Variants in ROS1 observed in about 807,000 individuals in gnomAD.
ROS1 encodes the protein ROS proto-oncogene 1, receptor tyrosine kinase, also known as proto-oncogene tyrosine-protein kinase ROS.
Under a neutral mutation model 273.5 loss-of-function variants are expected in ROS1, and 263 were observed. The ratio of observed to expected loss-of-function variants is 0.96; its 90% CI spans 0.87 to 1.06. The LOEUF (loss-of-function observed/expected upper bound fraction) is 1.06, where lower values mean the gene tolerates loss of function less well. ROS1 is among the 50% of genes least tolerant of loss of function. ROS1 has a pLI of 0.00. For synonymous variants in ROS1, 1,008 were observed against 954.1 expected (o/e 1.06, Z -1.04); for missense variants, 2,833 against 2,751.1 (o/e 1.03, Z -0.67).
At chr6:117,316,181 A>G (rs889960785) in intron 39 of ROS1, among the ~76,000 whole-genome samples, 6 of 152,070 alleles carry the variant, frequency 3.9e-5, no homozygotes, top group African/African-American at 1.4e-4. Flanking sequence ...GAAGTCTAAG[A>G]GAGTTAAATC....
intron 43 of ROS1, among the ~76,000 whole-genome samples, chr6:117,289,150 T>C (rs1773643756): frequency 6.6e-6 from 1 of 152,260 alleles, no homozygotes; most frequent in African/African-American, 2.4e-5. Context: ...GTCTTTGTGA[T>C]AGGACTTAAT....
rs750354810 is a variant in ROS1, at chr6:117,321,308, G to C, written c.5710C>G (p.Arg1904Gly). 1.2e-6 allele frequency: 2 copies of C among 1,613,712 alleles called. No individual in the cohort carries two copies. Among genetic ancestry groups the C allele is most frequent in the East Asian group, 2.2e-5 (1 of 44,854 alleles). The change falls in exon 36 of 44, where the codon CGA (arginine) becomes GGA (glycine). Residue 1904 changes from arginine (R) to glycine (G), a missense_variant. Arg to Gly is a moderately radical substitution (Grantham distance 125). Coordinates refer to ENST00000368507, the MANE Select transcript of ROS1 (RefSeq NM_001378902.1). Reference sequence around the variant, plus strand: ...AGGCCTACTCCGGCTGCCAGACCTCGCAGCTCAGCCAACTCTTTGTCTTCG... The same window carrying C: ...AGGCCTACTCCGGCTGCCAGACCTCCCAGCTCAGCCAACTCTTTGTCTTCG... Reference protein sequence around the residue: ...INEDKELAELRGLAAGVGLAN... With the variant: ...INEDKELAELGGLAAGVGLAN...
chr6:117,400,709 C>A (rs984686392), intron 7 of ROS1, among the ~76,000 whole-genome samples: 1 of 152,176 alleles, frequency 6.6e-6, no homozygotes, highest in Non-Finnish European at 1.5e-5. Context: ...ATGTCCTTTG[C>A]TGTCCCTCTT....
intron 35 of ROS1, 120 bp downstream of exon 35, chr6:117,324,211 AT>A (rs1776476866): frequency 3.2e-6 from 2 of 628,556 alleles, no homozygotes; most frequent in East Asian, 5.9e-5. Context: ...AACAATGTAA[AT>A]TTTATTAACT....
chr6:117,352,868 T>C (rs1778985892), intron 27 of ROS1, 122 bp downstream of exon 27: 3 of 819,388 alleles, frequency 3.7e-6, no homozygotes, highest in Admixed American at 2.7e-5. Context: ...CTAGCAGAGT[T>C]TGGAGCAAGG....
chr6:117,354,668 T>A (rs1280290928), intron 26 of ROS1, among the ~76,000 whole-genome samples: 1 of 152,216 alleles, frequency 6.6e-6, no homozygotes, highest in Non-Finnish European at 1.5e-5. Flanking sequence ...ATCTTTCTAA[T>A]TTTCTAATTT....
intron 39 of ROS1, among the ~76,000 whole-genome samples, chr6:117,313,927 C>A (rs112494207): frequency 0.012 from 1,797 of 152,158 alleles, 10 homozygotes; most frequent in South Asian, 0.03. Flanking sequence ...GCGAAGGAGA[C>A]GAAGCCCTGG....
chr6:117,306,153 T>C (rs539639762), intron 42 of ROS1, among the ~76,000 whole-genome samples: 2 of 151,804 alleles, frequency 1.3e-5, no homozygotes, highest in African/African-American at 2.4e-5. Context: ...GAAAACGTCA[T>C]AGTATTTTTC....
intron 43 of ROS1, among the ~76,000 whole-genome samples, chr6:117,300,735 C>G (rs1774653985): frequency 6.6e-6 from 1 of 152,090 alleles, no homozygotes; most frequent in Admixed American, 6.5e-5. Flanking sequence ...TAATTCTCCT[C>G]CTTACTGTCA....
At chr6:117,363,230 A>G (rs1779952823) in intron 21 of ROS1, among the ~76,000 whole-genome samples, 1 of 152,170 alleles carries the variant, frequency 6.6e-6, no homozygotes, top group African/African-American at 2.4e-5. Flanking sequence ...ATTTCAGTGA[A>G]GGTGAAAATG....
chr6:117,387,119 C>T (rs1313440248), intron 14 of ROS1, 120 bp from the exon 15 acceptor site: 1 of 504,228 alleles, frequency 2.0e-6, no homozygotes, highest in South Asian at 4.4e-5. Context: ...AAAAGAATGT[C>T]AACACTTTGA....
At chr6:117,377,962 T>C (rs891939248) in intron 18 of ROS1, among the ~76,000 whole-genome samples, 3 of 152,140 alleles carry the variant, frequency 2.0e-5, no homozygotes, top group Admixed American at 2.0e-4. Context: ...GAAGTGCTGG[T>C]TAAAATCACA....
intron 27 of ROS1, among the ~76,000 whole-genome samples, chr6:117,351,984 G>A (rs1778901094): frequency 1.3e-5 from 2 of 152,148 alleles, no homozygotes; most frequent in Non-Finnish European, 2.9e-5. Flanking sequence ...ATTCATATCT[G>A]TCCCTCTCCA....
intron 9 of ROS1, among the ~76,000 whole-genome samples, chr6:117,395,933 G>A (rs1773450408): frequency 6.6e-6 from 1 of 152,046 alleles, no homozygotes; most frequent in Non-Finnish European, 1.5e-5. Context: ...AAGATTTGAG[G>A]CCATTTTTTT....
chr6:117,290,212 GA>G (rs1773737748), intron 43 of ROS1, among the ~76,000 whole-genome samples: 1 of 152,032 alleles, frequency 6.6e-6, no homozygotes, highest in African/African-American at 2.4e-5. Context: ...TGAATTTTCT[GA>G]AAAATAATAT....
rs1779370384 is a variant in ROS1, at chr6:117,356,934, T to C, written c.3840-19A>G. 3.8e-6 allele frequency: 6 copies of C among 1,586,634 alleles called. No individual in the cohort carries two copies. Among genetic ancestry groups the C allele is most frequent in the Non-Finnish European group, 5.1e-6 (6 of 1,166,530 alleles). On this transcript the variant is annotated intron_variant, in intron 25 of 43. Transcript: ENST00000368507. The stretch of plus-strand genomic sequence containing the variant: ...CAAGCGACTATAGAGGAAAAAAAAG[T>C]CCCCCCAACTTAATGAGTAAAATAC...
rs2128548271 is a variant in ROS1 at position 117,310,164 on chromosome 6, C to T, written c.6333G>A (p.Lys2111=). Reference sequence around the variant, plus strand: ...GAACTGGGAGCAGGCCTTCCCCTCTCTTTCTATAGTAATCATTTTTATAGA... The same window carrying T: ...GAACTGGGAGCAGGCCTTCCCCTCTTTTTCTATAGTAATCATTTTTATAGA... ...RDIYKNDYYR[K]RGEGLLPVRW... Residue 2111 remains lysine (K), a synonymous_variant, in exon 41 of 44, where the codon AAG becomes AAA. Coordinates refer to ENST00000368507, the MANE Select transcript of ROS1 (RefSeq NM_001378902.1). 4 of 1,613,466 alleles carry T rather than the reference C, an allele frequency of 2.5e-6. No individual in the cohort carries two copies. Among genetic ancestry groups the T allele is most frequent in the Non-Finnish European group, 3.4e-6 (4 of 1,179,630 alleles).
intron 1 of ROS1, among the ~76,000 whole-genome samples, chr6:117,418,756 GGA>G (rs1332911938): frequency 6.6e-6 from 1 of 152,144 alleles, no homozygotes; most frequent in Non-Finnish European, 1.5e-5. Context: ...GTGGCTATAG[GGA>G]GAGAGTCTCA....
At chr6:117,304,707 A>G (rs1279026302) in intron 42 of ROS1, among the ~76,000 whole-genome samples, 6 of 152,144 alleles carry the variant, frequency 3.9e-5, no homozygotes, top group Non-Finnish European at 7.4e-5. Flanking sequence ...TCAAGAAAAC[A>G]TAGTGTATAT....
Sources: gnomAD v4.1 joint callset for allele counts (sites outside exome capture counted in the v4.1 genomes callset) on GRCh38, gnomAD v4.1.1 for gene constraint, MANE v1.5 for transcripts, NCBI Gene and HGNC (gene_info 2026-07-23, HGNC 2026-07-21) for gene names.